Variants in GABRG3 observed in about 807,000 individuals in gnomAD.
GABRG3 encodes gamma-aminobutyric acid receptor subunit gamma-3.
GABRG3 carries 25 observed loss-of-function variants against 48.8 expected under a neutral mutation model. The ratio of observed to expected loss-of-function variants is 0.51; its 90% CI spans 0.37 to 0.72. The LOEUF (loss-of-function observed/expected upper bound fraction) is 0.72, where lower values mean the gene tolerates loss of function less well. Ranked by LOEUF, GABRG3 falls within the 30% of genes least tolerant of loss-of-function variation. GABRG3 has a pLI of 0.00. For synonymous variants in GABRG3, 227 were observed against 217.6 expected (o/e 1.04, Z -0.38); for missense variants, 394 against 577.9 (o/e 0.68, Z 3.26).
Position 27,522,427 on chromosome 15 carries a change from C to T in GABRG3, c.865+2303C>T, listed in dbSNP as rs117784029. On this transcript the variant is annotated intron_variant, in intron 7 of 9. Transcript: ENST00000615808. ...AAAAACATCAGAAATGGTAAGTGTG[C>T]GGTGAAGTTTAAAAAAAACTAGTTT... is the stretch of plus-strand genomic sequence containing the variant. 2.1e-3 allele frequency among the ~76,000 whole-genome samples: 321 copies of T among 149,410 alleles called. 3 individuals are homozygous for T. The highest frequency in any genetic ancestry group is 0.011 in the East Asian group (56 of 5,170).
At chr15:27,083,187 A>G (rs1438254888) in intron 3 of GABRG3, among the ~76,000 whole-genome samples, 3 of 152,232 alleles carry the variant, frequency 2.0e-5, no homozygotes, top group Non-Finnish European at 4.4e-5. Context: ...TTTATGACTC[A>G]AATGATACTT....
chr15:27,325,294 G>T (rs1192003046), intron 3 of GABRG3, among the ~76,000 whole-genome samples: 1 of 152,270 alleles, frequency 6.6e-6, no homozygotes, highest in East Asian at 1.9e-4. Flanking sequence ...AAACAAGGCT[G>T]AGGCCATTCA....
At chr15:27,496,801 C>A (rs2150851900) in intron 6 of GABRG3, among the ~76,000 whole-genome samples, 1 of 152,314 alleles carries the variant, frequency 6.6e-6, no homozygotes, top group African/African-American at 2.4e-5. Flanking sequence ...CAGCCACTCA[C>A]ATGGCAGGAT....
At chr15:26,985,004 T>C (rs1363962827) in intron 2 of GABRG3, among the ~76,000 whole-genome samples, 1 of 152,262 alleles carries the variant, frequency 6.6e-6, no homozygotes, top group East Asian at 1.9e-4. Flanking sequence ...AGTGTTTGCA[T>C]ATCTGAACTT....
At position 27,040,044 on chromosome 15, in the gene GABRG3, C is replaced by A. The variant is rs564554823; in HGVS notation, c.270+13223C>A. 2.6e-5 allele frequency among the ~76,000 whole-genome samples: 4 copies of A among 152,382 alleles called. No individual in the cohort carries two copies. The East Asian group carries it at 7.7e-4, about 29-fold the overall frequency. On this transcript the variant is annotated intron_variant, in intron 3 of 9. Coordinates refer to ENST00000615808, the MANE Select transcript of GABRG3 (RefSeq NM_033223.5). ...CTTACCTTCCCCAAGTCTCCATTGGCCTGGGCCGCTGCCCTTCAGCCCACA... is the reference window on the plus strand; with the variant it reads ...CTTACCTTCCCCAAGTCTCCATTGGACTGGGCCGCTGCCCTTCAGCCCACA...
At chr15:27,195,651 T>G (rs925345537) in intron 3 of GABRG3, among the ~76,000 whole-genome samples, 2 of 151,674 alleles carry the variant, frequency 1.3e-5, no homozygotes, top group Non-Finnish European at 2.9e-5. Flanking sequence ...GTTTTTGTTT[T>G]TGAGAAAGAG....
chr15:27,216,584 T>G (rs1263202570), intron 3 of GABRG3, among the ~76,000 whole-genome samples: 1 of 152,108 alleles, frequency 6.6e-6, no homozygotes, highest in Non-Finnish European at 1.5e-5. Flanking sequence ...ACCGCACATT[T>G]CTGAAACACC....
intron 3 of GABRG3, among the ~76,000 whole-genome samples, chr15:27,252,347 C>T (rs986678340): frequency 4.6e-5 from 7 of 152,080 alleles, no homozygotes; most frequent in African/African-American, 7.2e-5. Flanking sequence ...CCAGGCTGGG[C>T]AGTCCTTCTG....
chr15:27,425,143 G>C (rs1233116975), intron 5 of GABRG3, among the ~76,000 whole-genome samples: 1 of 152,146 alleles, frequency 6.6e-6, no homozygotes, highest in Non-Finnish European at 1.5e-5. Context: ...ACTCCCCTGG[G>C]AGACGACAGC....
intron 3 of GABRG3, among the ~76,000 whole-genome samples, chr15:27,134,428 C>A (rs1897972190): frequency 6.6e-6 from 1 of 152,074 alleles, no homozygotes; most frequent in South Asian, 2.1e-4. Context: ...TTTTTAGAAA[C>A]ACCCTCCTGT....
intron 3 of GABRG3, among the ~76,000 whole-genome samples, chr15:27,062,535 G>C (rs1896668761): frequency 6.6e-6 from 1 of 151,744 alleles, no homozygotes; most frequent in Non-Finnish European, 1.5e-5. Context: ...TTGAACCTGG[G>C]AGGCAGAGGT....
intron 3 of GABRG3, among the ~76,000 whole-genome samples, chr15:27,124,478 G>A (rs1056768523): frequency 4.6e-5 from 7 of 152,298 alleles, no homozygotes; most frequent in African/African-American, 1.7e-4. Context: ...TGCAGGTAAG[G>A]CAGATGTCCT....
intron 3 of GABRG3, among the ~76,000 whole-genome samples, chr15:27,033,639 G>T (rs1055055235): frequency 6.6e-6 from 1 of 151,930 alleles, no homozygotes; most frequent in Non-Finnish European, 1.5e-5. Context: ...ATTTCTTTTA[G>T]CAATATTAGC....
chr15:27,124,692 G>A (rs1897788471), intron 3 of GABRG3, among the ~76,000 whole-genome samples: 2 of 152,180 alleles, frequency 1.3e-5, no homozygotes, highest in South Asian at 4.1e-4. Context: ...GGGGAGTAGG[G>A]GGAAGGCCCA....
At chr15:27,248,833 GAGAC>G (rs1416915162) in intron 3 of GABRG3, among the ~76,000 whole-genome samples, 2 of 149,520 alleles carry the variant, frequency 1.3e-5, no homozygotes, top group Admixed American at 1.3e-4. Flanking sequence ...GAGAGAGAGA[GAGAC>G]AGAGAGAAGC....
intron 3 of GABRG3, among the ~76,000 whole-genome samples, chr15:27,192,517 T>G (rs377018376): frequency 6.6e-6 from 1 of 152,344 alleles, no homozygotes; most frequent in African/African-American, 2.4e-5. Context: ...TTGATCGCAT[T>G]GGCTCCTGAG....
chr15:27,271,696 C>G, intron 3 of GABRG3: 1 of 448,658 alleles, frequency 2.2e-6, no homozygotes, highest in South Asian at 1.6e-5. Context: ...TGTGTGGTGG[C>G]TGGCACAGCG....
intron 5 of GABRG3, chr15:27,365,151 A>G (rs1595706602): frequency 6.6e-6 from 1 of 152,282 alleles, no homozygotes; most frequent in East Asian, 1.9e-4. Flanking sequence ...TTTAGCATAT[A>G]TTTCCCAAAG....
intron 3 of GABRG3, among the ~76,000 whole-genome samples, chr15:27,306,974 T>TATAGA (rs1892550843): frequency 2.2e-5 from 1 of 44,750 alleles, no homozygotes. Flanking sequence ...TATATAAACA[T>TATAGA]ATATAATATA....
Sources: gnomAD v4.1 joint callset for allele counts (sites outside exome capture counted in the v4.1 genomes callset) on GRCh38, gnomAD v4.1.1 for gene constraint, MANE v1.5 for transcripts, NCBI Gene and HGNC (gene_info 2026-07-23, HGNC 2026-07-21) for gene names.